Variants in ZNF611 observed in about 807,000 individuals in gnomAD.
The protein encoded by ZNF611 is zinc finger protein 611.
ZNF611 carries 6 observed loss-of-function variants against 8.9 expected under a neutral mutation model. The observed-to-expected ratio is 0.68, with a 90% CI of 0.37 to 1.34. ZNF611 has a LOEUF of 1.34. ZNF611 is among the 40% of genes most tolerant of loss of function. ZNF611 has a pLI of 0.02. For missense variants in ZNF611, 874 were observed against 841.3 expected, an observed-to-expected ratio of 1.04 and a Z score of -0.48; for synonymous variants, 262 against 279.7, an observed-to-expected ratio of 0.94 and a Z score of 0.63.
In ZNF611 at chr19:52,720,505, C is replaced by T. The variant is rs867957233; in HGVS notation, c.-19-4592G>A. The stretch of plus-strand genomic sequence containing the variant: ...GCGGCCGGGCAGAGGCGCTCCTCAC[C>T]TCCCAGATGGGGCGGCCGGGCAGAG... On this transcript the variant is annotated intron_variant, in intron 3 of 5. Transcript: ENST00000652185. Among the ~76,000 whole-genome samples, 588 of 128,210 alleles carry T rather than the reference C, an allele frequency of 4.6e-3. 9 individuals carry two copies. The highest frequency in any genetic ancestry group is 0.017 in the African/African-American group (453 of 26,532). 84.1% of individuals were successfully genotyped at this position (128,210 alleles called of 152,430 possible).
chr19:52,721,674 G>GAGGGA (rs1210158710), intron 3 of ZNF611, among the ~76,000 whole-genome samples: 1 of 145,420 alleles, frequency 6.9e-6, no homozygotes, highest in African/African-American at 2.8e-5. Flanking sequence ...GAAAGTGAGA[G>GAGGGA]GGGAAAGGGA....
At chr19:52,710,488 C>T (rs2062272522) in intron 5 of ZNF611, among the ~76,000 whole-genome samples, 1 of 152,096 alleles carries the variant, frequency 6.6e-6, no homozygotes, top group South Asian at 2.1e-4. Context: ...TCTCGGCCTC[C>T]CAAAATATTG....
intron 5 of ZNF611, among the ~76,000 whole-genome samples, chr19:52,712,395 T>C (rs895428440): frequency 8.9e-5 from 12 of 134,722 alleles, no homozygotes; most frequent in African/African-American, 2.9e-4. Flanking sequence ...GGTGGGTGGA[T>C]CATGTTGTCA....
chr19:52,723,189 TCC>T (rs1274075334), intron 3 of ZNF611, among the ~76,000 whole-genome samples: 1 of 150,720 alleles, frequency 6.6e-6, no homozygotes, highest in Admixed American at 6.7e-5. Flanking sequence ...CTGCAATTTA[TCC>T]CCTTCTTCCC....
At chr19:52,726,391 T>G (rs936287687) in intron 3 of ZNF611, among the ~76,000 whole-genome samples, 5 of 152,184 alleles carry the variant, frequency 3.3e-5, no homozygotes, top group East Asian at 1.9e-4. Flanking sequence ...ATTGTCTCTC[T>G]CGCGCGCTCT....
At chr19:52,729,433 C>T (rs1304221943) in intron 2 of ZNF611, among the ~76,000 whole-genome samples, 2 of 125,664 alleles carry the variant, frequency 1.6e-5, no homozygotes, top group African/African-American at 3.1e-5. Context: ...GGAAAGGTTG[C>T]AGGGAGCCAA....
chr19:52,718,358 A>C (rs1353527078), intron 3 of ZNF611, among the ~76,000 whole-genome samples: 1 of 151,918 alleles, frequency 6.6e-6, no homozygotes, highest in Non-Finnish European at 1.5e-5. Context: ...TCTAAACATT[A>C]GCCAGGCCTG....
intron 5 of ZNF611, 138 bp from the exon 6 acceptor site, chr19:52,707,002 G>A: frequency 7.3e-7 from 1 of 1,374,406 alleles, no homozygotes; most frequent in Non-Finnish European, 9.8e-7. Flanking sequence ...AAAACGAAAG[G>A]AGCAATATTC....
rs2062234206 is a variant in ZNF611, at chr19:52,705,418, GC to G, written c.1636del (p.Ala546LeufsTer179). ...TGCCAGATAGGAATGACACGCAAAA[GC>G]CTTGTCACAAACCTTACATTTGTAT... ...KPYKCKVCDK[A>X]FACHSYLAKH... is the part of the protein sequence containing the mutation. On this transcript the variant is annotated frameshift_variant, in exon 6 of 6. Coordinates refer to ENST00000652185, the MANE Select transcript of ZNF611 (RefSeq NM_001161499.2). LOFTEE classifies it low-confidence loss of function (END_TRUNC). 6.2e-7 allele frequency: 1 copy of G among 1,614,018 alleles called. No homozygotes were observed. The highest frequency in any genetic ancestry group is 1.7e-5 in the Admixed American group (1 of 59,982).
Position 52,705,620 on chromosome 19 carries a change from C to A in ZNF611, c.1435G>T (p.Glu479Ter), listed in dbSNP as rs1200934113. Residue 479 changes from glutamate (E) to a stop codon, truncating the protein, a stop_gained, in exon 6 of 6, where the codon GAA becomes TAA. Transcript: ENST00000652185. LOFTEE classifies it low-confidence loss of function (END_TRUNC). ...CATTCATTACACTTGTAAGGTTTTTCTCCACAGTCAATTCTAGTATGTTTT... is the reference window on the plus strand; with the variant it reads ...CATTCATTACACTTGTAAGGTTTTTATCCACAGTCAATTCTAGTATGTTTT... ...LAKHTRIDCG[E>*]KPYKCNECGK... 6.2e-7 allele frequency: 1 copy of A among 1,613,954 alleles called. No homozygotes were observed. Among genetic ancestry groups the A allele is most frequent in the Non-Finnish European group, 8.5e-7 (1 of 1,179,946 alleles).
intron 5 of ZNF611, 54 bp downstream of exon 5, chr19:52,713,961 G>A (rs1470787238): frequency 5.6e-6 from 9 of 1,601,434 alleles, no homozygotes; most frequent in Non-Finnish European, 5.1e-6. Context: ...AAGCCAGGAT[G>A]AGCCAAGATA....
At chr19:52,709,446 T>A (rs1306249873) in intron 5 of ZNF611, among the ~76,000 whole-genome samples, 1 of 152,004 alleles carries the variant, frequency 6.6e-6, no homozygotes, top group African/African-American at 2.4e-5. Context: ...ATAATTTTTA[T>A]ATTTTTAGTA....
chr19:52,730,856 T>C (rs1408104566), intron 1 of ZNF611, among the ~76,000 whole-genome samples: 1 of 152,136 alleles, frequency 6.6e-6, no homozygotes, highest in Non-Finnish European at 1.5e-5. Context: ...AGTGCTGGGA[T>C]TACAAGTGTG....
intron 4 of ZNF611, among the ~76,000 whole-genome samples, 194 bp downstream of exon 4, chr19:52,715,638 T>C (rs183725968): frequency 6.3e-4 from 96 of 152,218 alleles, no homozygotes; most frequent in African/African-American, 2.1e-3. Flanking sequence ...GTGGAGCCTC[T>C]TCCCAAGTTC....
At chr19:52,716,150 G>A in intron 3 of ZNF611, 1 of 494,130 alleles carries the variant, frequency 2.0e-6, no homozygotes, top group Middle Eastern at 5.6e-4. Context: ...GGCAGCAGTG[G>A]GGAGCTGGGC....
At chr19:52,714,171 A>G (rs567890750) in intron 4 of ZNF611, 30 bp from the exon 5 acceptor site, 2 of 1,609,732 alleles carry the variant, frequency 1.2e-6, no homozygotes, top group South Asian at 2.2e-5. Context: ...TCAACAAAAC[A>G]TTATGGAGTA....
At position 52,705,406 on chromosome 19, in the gene ZNF611, T is replaced by A. The variant is rs528838055; in HGVS notation, c.1649A>T (p.His550Leu). ...TCTAGTATGTTTTGCCAGATAGGAATGACACGCAAAAGCCTTGTCACAAAC... is the reference window on the plus strand; with the variant it reads ...TCTAGTATGTTTTGCCAGATAGGAAAGACACGCAAAAGCCTTGTCACAAAC... ...CKVCDKAFAC[H>L]SYLAKHTRIH... is the part of the protein sequence containing the mutation. Residue 550 changes from histidine (H) to leucine (L), a missense_variant, in exon 6 of 6, where the codon CAT becomes CTT. Coordinates refer to ENST00000652185, the MANE Select transcript of ZNF611 (RefSeq NM_001161499.2). 1 of 1,614,144 alleles carries A rather than the reference T, an allele frequency of 6.2e-7. No individual in the cohort carries two copies. The highest frequency in any genetic ancestry group is 1.7e-5 in the Admixed American group (1 of 60,000).
chr19:52,717,799 C>T (rs2062327653), intron 3 of ZNF611: 1 of 570,682 alleles, frequency 1.8e-6, no homozygotes. Context: ...GAATAGGCTA[C>T]TTGAACTAAA....
chr19:52,732,958 TATTA>T (rs35001327), intron 1 of ZNF611, among the ~76,000 whole-genome samples: 15 of 149,300 alleles, frequency 1.0e-4, no homozygotes, highest in African/African-American at 2.5e-4. Flanking sequence ...TGTCTCAAAA[TATTA>T]ATTAATTAAT....
Sources: allele counts gnomAD v4.1 joint callset (sites outside exome capture counted in the v4.1 genomes callset), GRCh38; gene constraint gnomAD v4.1.1; transcripts MANE v1.5; gene names NCBI Gene and HGNC (gene_info 2026-07-23, HGNC 2026-07-21).